The following AP4B1 variants were observed in gnomAD, a reference collection of about 807,000 sequenced individuals.
AP4B1 encodes the protein AP-4 complex subunit beta-1.
AP4B1 carries 49 observed loss-of-function variants against 76.5 expected under a neutral mutation model. That is an observed-to-expected ratio of 0.64 (90% CI 0.51 to 0.81). The LOEUF is 0.81. AP4B1 is among the 40% of genes least tolerant of loss of function. The pLI is 0.00. For missense variants in AP4B1, 911 were observed against 904.9 expected (o/e 1.01, Z -0.09); for synonymous variants, 330 against 333.3 (o/e 0.99, Z 0.11).
Position 113,895,867 on chromosome 1 carries a change from T to C in AP4B1, c.1682A>G (p.Asn561Ser), listed in dbSNP as rs756940500. 6.2e-7 allele frequency: 1 copy of C among 1,614,100 alleles called. No homozygotes were observed. The highest frequency in any genetic ancestry group is 1.3e-5 in the African/African-American group (1 of 74,946). ...RPVNSWASDF[N>S]TLVPVYGKAH... ...TTTGCCATACACTGGCACCAGTGTG[T>C]TGAAGTCTGAGGCCCAGCTATTCAC... Residue 561 changes from asparagine to serine, a missense_variant, in exon 9 of 10, where the codon AAC (asparagine) becomes AGC (serine). Physicochemically the swap from Asn to Ser is conservative, Grantham distance 46 (BLOSUM62 1). Coordinates refer to ENST00000369569, the MANE Select transcript of AP4B1 (RefSeq NM_001253852.3).
intron 2 of AP4B1, 21 bp from the exon 3 acceptor site, chr1:113,901,906 T>G (rs755423236): frequency 6.2e-7 from 1 of 1,613,962 alleles, no homozygotes; most frequent in Admixed American, 1.7e-5. Flanking sequence ...CATCCTGGAG[T>G]TAGCCAGATT....
At chr1:113,898,039 C>A in intron 6 of AP4B1, 96 bp from the exon 7 acceptor site, 2 of 1,584,826 alleles carry the variant, frequency 1.3e-6, no homozygotes, top group Admixed American at 3.6e-5. Flanking sequence ...ATGATTCTGG[C>A]TGGATTTCTG....
chr1:113,895,654 A>G (rs749603684), intron 9 of AP4B1, 103 bp downstream of exon 9: 59 of 1,555,904 alleles, frequency 3.8e-5, no homozygotes, highest in Admixed American at 1.6e-4. Flanking sequence ...CTTCAAATTC[A>G]GGCAACAGTC....
Position 113,901,898 on chromosome 1 carries a change from T to C in AP4B1, c.339-13A>G, listed in dbSNP as rs1171809890. On this transcript the variant is annotated splice_polypyrimidine_tract_variant and intron_variant, in intron 2 of 9. Transcript: ENST00000369569. The stretch of plus-strand genomic sequence containing the variant: ...CACACCAGGCATCCTAAGCAACACA[T>C]CCTGGAGTTAGCCAGATTCTGAAAT... 2.5e-6 allele frequency: 4 copies of C among 1,613,918 alleles called. No individual in the cohort carries two copies. The highest frequency in any genetic ancestry group is 8.5e-7 in the Non-Finnish European group (1 of 1,179,998).
At chr1:113,899,208 C>G in intron 5 of AP4B1, 1 of 1,031,666 alleles carries the variant, frequency 9.7e-7, no homozygotes, top group Non-Finnish European at 1.2e-6. Flanking sequence ...TCTTCTCTGC[C>G]CCTAAAATAA....
At chr1:113,899,108 T>A (rs2101018172) in intron 5 of AP4B1, 2 of 1,191,064 alleles carry the variant, frequency 1.7e-6, no homozygotes, top group Non-Finnish European at 2.1e-6. Context: ...TGAGGTACCC[T>A]TTTTGTTGCA....
Position 113,900,140 on chromosome 1 carries a change from C to A in AP4B1, c.878G>T (p.Cys293Phe). 6.2e-7 allele frequency: 1 copy of A among 1,614,218 alleles called. No homozygotes were observed. Among genetic ancestry groups the A allele is most frequent in the Non-Finnish European group, 8.5e-7 (1 of 1,180,052 alleles). ...GCGTACATGACAAAGAGCAACAAAACAGAGCTCACGGCTCTCTGAAGAACA... is the reference window on the plus strand; with the variant it reads ...GCGTACATGACAAAGAGCAACAAAAAAGAGCTCACGGCTCTCTGAAGAACA... The part of the protein sequence containing the change: ...AACSSESREL[C>F]FVALCHVRQI... The change falls in exon 5 of 10, where the codon TGT becomes TTT. Residue 293 changes from cysteine (C) to phenylalanine (F), a missense_variant. Coordinates refer to ENST00000369569, the MANE Select transcript of AP4B1 (RefSeq NM_001253852.3).
chr1:113,895,557 A>G (rs1667363662), intron 9 of AP4B1, 65 bp from the exon 10 acceptor site: 4 of 1,594,240 alleles, frequency 2.5e-6, no homozygotes, highest in East Asian at 4.5e-5. Context: ...TTTTTTATCC[A>G]AATTCCCAAA....
rs1667271059 is a variant in AP4B1, at chr1:113,894,646, A to T, written c.*419T>A. On this transcript the variant is annotated 3_prime_UTR_variant, in exon 10 of 10. Coordinates refer to ENST00000369569, the MANE Select transcript of AP4B1 (RefSeq NM_001253852.3). ...TTTAGATGACATTAAGGACTTTGGAATCTGGCCTAAAAGCATGATTGGAAA... is the reference window on the plus strand; with the variant it reads ...TTTAGATGACATTAAGGACTTTGGATTCTGGCCTAAAAGCATGATTGGAAA... 8 of 203,518 alleles carry T rather than the reference A, an allele frequency of 3.9e-5. No individual in the cohort carries two copies. In the South Asian group the frequency reaches 6.3e-4, roughly 16 times the overall value. The allele number at this position is 203,518 out of a possible 1,614,324, so 12.6% of individuals were successfully genotyped here.
Position 113,895,014 on chromosome 1 carries a change from AAG to A in AP4B1, c.*49_*50del. 5 of 1,567,458 alleles carry A rather than the reference AAG, an allele frequency of 3.2e-6. No individual in the cohort carries two copies. The highest frequency in any genetic ancestry group is 4.4e-6 in the Non-Finnish European group (5 of 1,149,328). The stretch of plus-strand genomic sequence containing the variant: ...ACTGGCAGCTCTAATAGGAAAGACT[AAG>A]AAAGTGTAATAGTTATTCATCTTAC... On this transcript the variant is annotated 3_prime_UTR_variant, in exon 10 of 10. Coordinates refer to ENST00000369569, the MANE Select transcript of AP4B1 (RefSeq NM_001253852.3).
chr1:113,897,690 TCTATATC>T (rs1202490461), intron 7 of AP4B1, 143 bp downstream of exon 7: 7 of 768,298 alleles, frequency 9.1e-6, no homozygotes, highest in Admixed American at 2.3e-5. Flanking sequence ...TTATATGCCA[TCTATATC>T]CAAAAGAGAA....
chr1:113,903,042 A>G (rs1571583264), intron 1 of AP4B1, among the ~76,000 whole-genome samples, 180 bp from the exon 2 acceptor site: 1 of 152,140 alleles, frequency 6.6e-6, no homozygotes, highest in Admixed American at 6.5e-5. Context: ...TACAATAAAC[A>G]TTATTCTTCT....
chr1:113,903,409 AC>A (rs1230852186), intron 1 of AP4B1, among the ~76,000 whole-genome samples: 4 of 152,176 alleles, frequency 2.6e-5, no homozygotes, highest in Non-Finnish European at 5.9e-5. Context: ...GTGAAATTCA[AC>A]TTTTACATCC....
At position 113,895,216 on chromosome 1, in the gene AP4B1, C is replaced by G. The variant is rs1265464355; in HGVS notation, c.2069G>C (p.Gly690Ala). Residue 690 changes from glycine (G) to alanine (A), a missense_variant, in exon 10 of 10, where the codon GGC (glycine) becomes GCC (alanine). Coordinates refer to ENST00000369569, the MANE Select transcript of AP4B1 (RefSeq NM_001253852.3). ...TAGCAGTTCTGTTAAGAACAGACAG[C>G]CAGTATCATCCTGAGCACTGAGGTA... is the stretch of plus-strand genomic sequence containing the variant. ...KAYLSAQDDT[G>A]CLFLTELLLE... The G allele has an allele frequency of 6.2e-7, 1 of 1,614,066 alleles. No homozygotes were observed. Among genetic ancestry groups the G allele is most frequent in the Non-Finnish European group, 8.5e-7 (1 of 1,180,038 alleles).
Position 113,900,201 on chromosome 1 carries a change from C to T in AP4B1, c.817G>A (p.Val273Ile), listed in dbSNP as rs770767911. The T allele has an allele frequency of 2.9e-5, 46 of 1,613,664 alleles. No individual in the cohort carries two copies. Among genetic ancestry groups the T allele is most frequent in the Middle Eastern group, 1.6e-4 (1 of 6,062 alleles). ...AAAGGTCCCTTGACCCGCACAAGGA[C>T]ATCAGTTTGTACGTGGGGAAACATT... ...AKMFPHVQTD[V>I]LVRVKGPLLA... Residue 273 changes from valine (V) to isoleucine (I), a missense_variant, in exon 5 of 10, where the codon GTC (valine) becomes ATC (isoleucine). By Grantham distance (29) the Val-to-Ile change is conservative (BLOSUM62 3). Coordinates refer to ENST00000369569, the MANE Select transcript of AP4B1 (RefSeq NM_001253852.3).
Position 113,902,880 on chromosome 1 carries a change from CAG to C in AP4B1, c.114-20_114-19del. On this transcript the variant is annotated intron_variant, in intron 1 of 9. Coordinates refer to ENST00000369569, the MANE Select transcript of AP4B1 (RefSeq NM_001253852.3). ...TCATGTACCTGAACAACGCACATGA[CAG>C]AAGGAAGTAAAATGCAAAATCCCCA... The C allele has an allele frequency of 6.2e-7, 1 of 1,612,502 alleles. No individual in the cohort carries two copies. Among genetic ancestry groups the C allele is most frequent in the Non-Finnish European group, 8.5e-7 (1 of 1,178,864 alleles).
rs201156296 is a variant in AP4B1 at position 113,895,212 on chromosome 1, A to G, written c.2073T>C (p.Cys691=). The change falls in exon 10 of 10, where the codon TGT becomes TGC. Residue 691 remains cysteine, a synonymous_variant. Transcript: ENST00000369569. ...AYLSAQDDTG[C]LFLTELLLEP... ...CCAATAGCAGTTCTGTTAAGAACAG[A>G]CAGCCAGTATCATCCTGAGCACTGA... The G allele has an allele frequency of 2.5e-6, 4 of 1,614,046 alleles. No homozygotes were observed. The African/African-American group carries it at 5.3e-5, about 22-fold the overall frequency.
Position 113,901,372 on chromosome 1 carries a change from C to T in AP4B1, c.481G>A (p.Val161Ile), listed in dbSNP as rs754943954. Residue 161 changes from valine to isoleucine, a missense_variant, in exon 4 of 10, where the codon GTA becomes ATA. Transcript: ENST00000369569. ...HGDSEVDGAL[V>I]NELYSLLRDQ... ...CGCAGCAAACTGTATAATTCATTTA[C>T]CAGGGCACCATCTATAAAAAAGAAC... is the stretch of plus-strand genomic sequence containing the variant. 19 of 1,614,012 alleles carry T rather than the reference C, an allele frequency of 1.2e-5. No homozygotes were observed. The highest frequency in any genetic ancestry group is 1.6e-5 in the Non-Finnish European group (19 of 1,179,952).
rs1401827710 is a variant in AP4B1 at position 113,895,798 on chromosome 1, C to T, written c.1751G>A (p.Cys584Tyr). 6.2e-7 allele frequency: 1 copy of T among 1,614,254 alleles called. No homozygotes were observed. Among genetic ancestry groups the T allele is most frequent in the South Asian group, 1.1e-5 (1 of 91,088 alleles). ...TISKCQGAER[C>Y]DPELPKTSSF... The stretch of plus-strand genomic sequence containing the variant: ...TGAAGTTTTAGGAAGCTCTGGGTCA[C>T]AACGCTCTGCCCCCTGGCATTTAGA... The change falls in exon 9 of 10, where the codon TGT becomes TAT. Residue 584 changes from cysteine to tyrosine, a missense_variant. Coordinates refer to ENST00000369569, the MANE Select transcript of AP4B1 (RefSeq NM_001253852.3).
Sources: allele counts gnomAD v4.1 joint callset (sites outside exome capture counted in the v4.1 genomes callset), GRCh38; gene constraint gnomAD v4.1.1; transcripts MANE v1.5; gene names NCBI Gene and HGNC (gene_info 2026-07-23, HGNC 2026-07-21).